AUTS2: variants seen among roughly 807,000 people sequenced by gnomAD.
The protein encoded by AUTS2 is autism susceptibility gene 2 protein.
A neutral mutation model predicts 112.4 loss-of-function variants in AUTS2; 17 were observed. The ratio of observed to expected loss-of-function variants is 0.15; its 90% CI spans 0.10 to 0.23. The LOEUF is 0.23. AUTS2 is among the 10% of genes least tolerant of loss of function. The pLI, the probability that AUTS2 is intolerant of heterozygous loss-of-function variation, is 1.00. For synonymous variants in AUTS2, 751 were observed against 702.7 expected, an observed-to-expected ratio of 1.07 and a Z score of -1.09; for missense variants, 1,510 against 1,701.6, an observed-to-expected ratio of 0.89 and a Z score of 1.98.
intron 2 of AUTS2, among the ~76,000 whole-genome samples, chr7:70,112,916 A>T (rs1381883570): frequency 2.6e-5 from 4 of 151,698 alleles, no homozygotes; most frequent in Non-Finnish European, 5.9e-5. Flanking sequence ...CACTTTTCTT[A>T]TTTTCTTTCC....
intron 4 of AUTS2, among the ~76,000 whole-genome samples, chr7:70,369,623 A>T (rs1792748211): frequency 6.6e-6 from 1 of 152,128 alleles, no homozygotes; most frequent in Non-Finnish European, 1.5e-5. Flanking sequence ...AGATCAAGAA[A>T]TTATGGGACA....
intron 6 of AUTS2, among the ~76,000 whole-genome samples, chr7:70,759,618 G>A (rs1789429974): frequency 6.6e-6 from 1 of 152,200 alleles, no homozygotes; most frequent in African/African-American, 2.4e-5. Context: ...CACTCCTCAT[G>A]TTCTAGCTGT....
chr7:70,776,922 G>A, intron 13 of AUTS2, 181 bp from the exon 14 acceptor site: 1 of 646,672 alleles, frequency 1.5e-6, no homozygotes, highest in Non-Finnish European at 2.8e-6. Flanking sequence ...GGAGCTGGCT[G>A]TGACTCCCTT....
At chr7:69,934,065 A>G (rs1185419057) in intron 2 of AUTS2, among the ~76,000 whole-genome samples, 1 of 152,258 alleles carries the variant, frequency 6.6e-6, no homozygotes, top group Non-Finnish European at 1.5e-5. Flanking sequence ...TAAAAGGAAA[A>G]CAGTTAGCTG....
intron 6 of AUTS2, among the ~76,000 whole-genome samples, chr7:70,714,809 T>C (rs540842573): frequency 6.6e-6 from 1 of 152,340 alleles, no homozygotes; most frequent in South Asian, 2.1e-4. Context: ...GCAAGAAAAC[T>C]TCATAGGCAT....
chr7:70,637,808 A>C (rs1179055635), intron 5 of AUTS2, among the ~76,000 whole-genome samples: 1 of 152,186 alleles, frequency 6.6e-6, no homozygotes. Context: ...AGATTCTGAA[A>C]CCATTGTGTT....
intron 1 of AUTS2, among the ~76,000 whole-genome samples, chr7:69,871,537 TAAC>T (rs1487062850): frequency 1.3e-5 from 2 of 152,184 alleles, no homozygotes; most frequent in Admixed American, 6.5e-5. Context: ...AACAGAGATT[TAAC>T]AACAATAACT....
chr7:69,741,062 G>A (rs1787244469), intron 1 of AUTS2, among the ~76,000 whole-genome samples: 1 of 152,168 alleles, frequency 6.6e-6, no homozygotes, highest in African/African-American at 2.4e-5. Context: ...TGCTGTGTAT[G>A]GAGTGTGGCC....
intron 5 of AUTS2, among the ~76,000 whole-genome samples, chr7:70,526,801 G>A (rs1475424961): frequency 6.6e-6 from 1 of 152,136 alleles, no homozygotes; most frequent in Non-Finnish European, 1.5e-5. Flanking sequence ...GTGTGCCTTT[G>A]AAGTTCCTGC....
intron 1 of AUTS2, among the ~76,000 whole-genome samples, chr7:69,623,152 G>C (rs1357361115): frequency 6.6e-6 from 1 of 152,066 alleles, no homozygotes; most frequent in African/African-American, 2.4e-5. Flanking sequence ...CTGATTCCTG[G>C]ACCCTGTGTC....
In AUTS2 at chr7:70,247,186, TAGAA is replaced by T. The variant is rs551042000; in HGVS notation, c.660+112618_660+112621del. On this transcript the variant is annotated intron_variant, in intron 4 of 18. Coordinates refer to ENST00000342771, the MANE Select transcript of AUTS2 (RefSeq NM_015570.4). ...TATACAATGGAATATTATTCAGCCT[TAGAA>T]AGGAAGGAAATGTTGACCCATGCTA... 3.3e-3 allele frequency among the ~76,000 whole-genome samples: 506 copies of T among 152,252 alleles called. 3 individuals carry two copies. The highest frequency in any genetic ancestry group is 5.5e-3 in the Non-Finnish European group (372 of 67,982).
intron 4 of AUTS2, among the ~76,000 whole-genome samples, chr7:70,184,769 T>G (rs1020155680): frequency 6.6e-6 from 1 of 152,184 alleles, no homozygotes; most frequent in Non-Finnish European, 1.5e-5. Flanking sequence ...CTTTGTCTTT[T>G]GGAAGTTAGG....
chr7:70,432,674 CAA>C (rs1245421698), intron 4 of AUTS2, among the ~76,000 whole-genome samples: 1 of 152,172 alleles, frequency 6.6e-6, no homozygotes, highest in East Asian at 1.9e-4. Context: ...CCAGGCAAGG[CAA>C]ACGTTAGGCG....
rs751087554 is a variant in AUTS2 at position 70,774,072 on chromosome 7, A to G, written c.1875A>G (p.Pro625=). The G allele has an allele frequency of 1.2e-6, 2 of 1,614,104 alleles. No individual in the cohort carries two copies. Among genetic ancestry groups the G allele is most frequent in the African/African-American group, 2.7e-5 (2 of 74,934 alleles). Residue 625 remains proline (P), a synonymous_variant, in exon 12 of 19, where the codon CCA becomes CCG. Coordinates refer to ENST00000342771, the MANE Select transcript of AUTS2 (RefSeq NM_015570.4). Reference sequence around the variant, plus strand: ...TCGCTGCTCGGCCTGGGACAGTCCCACACACTTTACTCCAAAAGGACCCGA... The same window carrying G: ...TCGCTGCTCGGCCTGGGACAGTCCCGCACACTTTACTCCAAAAGGACCCGA... ...IDVAARPGTV[P]HTLLQKDPRL...
intron 6 of AUTS2, among the ~76,000 whole-genome samples, chr7:70,710,806 A>G (rs1385646069): frequency 6.6e-6 from 1 of 152,254 alleles, no homozygotes. Context: ...CAAGAAGCTT[A>G]AAAAACAAAT....
chr7:70,561,875 C>G (rs896376009), intron 5 of AUTS2, among the ~76,000 whole-genome samples: 6 of 152,060 alleles, frequency 3.9e-5, no homozygotes, highest in Non-Finnish European at 8.8e-5. Flanking sequence ...CCCTTCAAAT[C>G]TTTTGTTGAC....
At chr7:69,842,277 A>C (rs1414036003) in intron 1 of AUTS2, among the ~76,000 whole-genome samples, 1 of 152,202 alleles carries the variant, frequency 6.6e-6, no homozygotes. Context: ...AAAGAAGTGG[A>C]TGAAATGCTA....
intron 1 of AUTS2, among the ~76,000 whole-genome samples, chr7:69,700,364 A>G (rs1258532228): frequency 6.6e-6 from 1 of 151,934 alleles, no homozygotes; most frequent in Non-Finnish European, 1.5e-5. Context: ...TGGAATACTT[A>G]TAGACTTACC....
At chr7:70,323,472 T>C (rs1396599111) in intron 4 of AUTS2, among the ~76,000 whole-genome samples, 1 of 152,194 alleles carries the variant, frequency 6.6e-6, no homozygotes, top group Non-Finnish European at 1.5e-5. Flanking sequence ...TCAGCCACTG[T>C]AGCCAAGAGC....
Sources: gnomAD v4.1 joint callset for allele counts (sites outside exome capture counted in the v4.1 genomes callset) on GRCh38, gnomAD v4.1.1 for gene constraint, MANE v1.5 for transcripts, NCBI Gene and HGNC (gene_info 2026-07-23, HGNC 2026-07-21) for gene names.